The following AMMECR1L variants were observed in gnomAD, a reference collection of about 807,000 sequenced individuals.
AMMECR1L encodes the protein AMMECR1 like.
Under a neutral mutation model 36.8 loss-of-function variants are expected in AMMECR1L, and 4 were observed. That is an observed-to-expected ratio of 0.11 (90% CI 0.05 to 0.25). The LOEUF (loss-of-function observed/expected upper bound fraction) is 0.25. Among genes scored for constraint, AMMECR1L ranks in the 10% least tolerant of loss-of-function variants. AMMECR1L has a pLI of 1.00. For synonymous variants in AMMECR1L, 147 were observed against 148.0 expected, an observed-to-expected ratio of 0.99 and a Z score of 0.05; for missense variants, 232 against 392.1, an observed-to-expected ratio of 0.59 and a Z score of 3.45.
chr2:127,865,187 C>T lies in AMMECR1L; in HGVS notation c.840G>A (p.Val280=). Reference sequence around the variant, plus strand: ...CAATATACTCTGCGTAACTGATTGTCACCTTCTCACTTCGGTACCTGTATG... The same window carrying T: ...CAATATACTCTGCGTAACTGATTGTTACCTTCTCACTTCGGTACCTGTATG... ...IKLTRYRSEK[V]TISYAEYIAS... The change falls in exon 8 of 8, where the codon GTG becomes GTA. Residue 280 remains valine, a synonymous_variant. Transcript: ENST00000272647. This position sits in a 1 kb window ranked among gnomAD's most constrained non-coding sequence, Gnocchi z 5.4. The T allele has an allele frequency of 6.2e-7, 1 of 1,612,514 alleles. No individual in the cohort carries two copies. Among genetic ancestry groups the T allele is most frequent in the Non-Finnish European group, 8.5e-7 (1 of 1,179,280 alleles).
intron 2 of AMMECR1L, among the ~76,000 whole-genome samples, chr2:127,877,860 A>G (rs1182970747): frequency 6.6e-6 from 1 of 152,128 alleles, no homozygotes; most frequent in Non-Finnish European, 1.5e-5. Context: ...CAGGAGTTGG[A>G]GACCAGCCTG....
chr2:127,869,042 A>C lies in AMMECR1L; in HGVS notation c.724+412T>G, dbSNP rs1157002561. 6.6e-6 allele frequency among the ~76,000 whole-genome samples: 1 copy of C among 152,174 alleles called. No individual in the cohort carries two copies. Among genetic ancestry groups the C allele is most frequent in the Non-Finnish European group, 1.5e-5 (1 of 68,020 alleles). On this transcript the variant is annotated intron_variant, in intron 6 of 7. Coordinates refer to ENST00000272647, the MANE Select transcript of AMMECR1L (RefSeq NM_001199140.2). The surrounding 1 kb of genome is among the most constrained non-coding windows in gnomAD (Gnocchi z 4.7). ...CTGGCCGACTACTGAGTTCTTTAAAAAACAGTAGGGACTATGTTTACACCC... is the reference window on the plus strand; with the variant it reads ...CTGGCCGACTACTGAGTTCTTTAAACAACAGTAGGGACTATGTTTACACCC...
intron 2 of AMMECR1L, among the ~76,000 whole-genome samples, chr2:127,879,940 C>G (rs1283378601): frequency 1.3e-5 from 2 of 152,180 alleles, no homozygotes; most frequent in East Asian, 3.8e-4. Context: ...ACTTCCCTGC[C>G]AAACTTTATA....
rs1421077070 is a variant in AMMECR1L, at chr2:127,861,912, T to C, written c.*3182A>G. On this transcript the variant is annotated 3_prime_UTR_variant, in exon 8 of 8. Transcript: ENST00000272647. ...CATGGAAAACAGATCTTGTGCAAAA[T>C]ATTAACACCCAGGACTTCTTTTGTA... is the stretch of plus-strand genomic sequence containing the variant. 5 of 152,640 alleles carry C rather than the reference T, an allele frequency of 3.3e-5. No individual in the cohort carries two copies. Among genetic ancestry groups the C allele is most frequent in the African/African-American group, 1.2e-4 (5 of 41,460 alleles). 9.5% of individuals were successfully genotyped at this position (152,640 alleles called of 1,614,324 possible).
rs1691126163 is a variant in AMMECR1L, at chr2:127,874,301, T to C, written c.-38-29A>G. The C allele has an allele frequency of 2.5e-6, 4 of 1,571,696 alleles. No homozygotes were observed. The South Asian group carries it at 4.7e-5, about 18-fold the overall frequency. The stretch of plus-strand genomic sequence containing the variant: ...ACCAAAATGAGAAGTTAAGCATTAA[T>C]TTGACTGGTTAGTTAAAAGGAGAGG... On this transcript the variant is annotated intron_variant, in intron 2 of 7. Transcript: ENST00000272647. The surrounding 1 kb of genome is among the most constrained non-coding windows in gnomAD (Gnocchi z 5.2).
At chr2:127,868,461 A>C (rs1690803322) in intron 6 of AMMECR1L, among the ~76,000 whole-genome samples, 1 of 152,242 alleles carries the variant, frequency 6.6e-6, no homozygotes, top group Non-Finnish European at 1.5e-5. Flanking sequence ...ATAAAAACCA[A>C]CCAGGCAATC....
Position 127,873,497 on chromosome 2 carries a change from A to T in AMMECR1L, c.407+331T>A. 1.0e-6 allele frequency: 1 copy of T among 985,448 alleles called. No homozygotes were observed. Among genetic ancestry groups the T allele is most frequent in the Non-Finnish European group, 1.2e-6 (1 of 829,942 alleles). The allele number at this position is 985,448 out of a possible 1,614,324, so 61.0% of individuals were successfully genotyped here. A position where few individuals can be genotyped will look rare whatever the true frequency, so the allele number is the denominator to read the frequency against. On this transcript the variant is annotated intron_variant, in intron 3 of 7. Coordinates refer to ENST00000272647, the MANE Select transcript of AMMECR1L (RefSeq NM_001199140.2). This position sits in a 1 kb window ranked among gnomAD's most constrained non-coding sequence, Gnocchi z 5.2. ...GACTTCAACACTATGGGTGTCCCCA[A>T]TGGTATGGCGTGACTTCCCCACTTG...
At chr2:127,867,402 T>C (rs908277377) in intron 6 of AMMECR1L, 3 of 761,612 alleles carry the variant, frequency 3.9e-6, no homozygotes, top group African/African-American at 1.9e-5. Flanking sequence ...TGATCTTCCT[T>C]CAATCTGATG....
chr2:127,877,020 A>AATATATATATATATACATATATAT lies in AMMECR1L; in HGVS notation c.-38-2772_-38-2749dup, dbSNP rs1353356322. On this transcript the variant is annotated intron_variant, in intron 2 of 7. Coordinates refer to ENST00000272647, the MANE Select transcript of AMMECR1L (RefSeq NM_001199140.2). Reference sequence around the variant, plus strand: ...CAATAAGAGCGAAACTCTGTCTCCAAATATATATATATATACATATATATA... The same window carrying AATATATATATATATACATATATAT: ...CAATAAGAGCGAAACTCTGTCTCCAAATATATATATATATACATATATATATATATATATATATACATATATATA... 3.9e-3 allele frequency among the ~76,000 whole-genome samples: 563 copies of AATATATATATATATACATATATAT among 144,906 alleles called. 1 individual carries two copies. The highest frequency in any genetic ancestry group is 6.8e-3 in the Non-Finnish European group (452 of 66,592).
At chr2:127,882,083 T>G (rs1691523624) in intron 2 of AMMECR1L, among the ~76,000 whole-genome samples, 1 of 152,206 alleles carries the variant, frequency 6.6e-6, no homozygotes, top group African/African-American at 2.4e-5. Flanking sequence ...GAATACCAAT[T>G]TTAAAAACTG....
Position 127,862,563 on chromosome 2 carries a change from C to T in AMMECR1L, c.*2531G>A, listed in dbSNP as rs1309449755. The stretch of plus-strand genomic sequence containing the variant: ...TCTAGACCGCTTCCTGACTAGGCCC[C>T]GTTCAGGACGGATACTGACAATGCC... On this transcript the variant is annotated 3_prime_UTR_variant, in exon 8 of 8. Transcript: ENST00000272647. 5.2e-5 allele frequency: 8 copies of T among 153,726 alleles called. No homozygotes were observed. Among genetic ancestry groups the T allele is most frequent in the East Asian group, 1.9e-4 (1 of 5,188 alleles). The allele number at this position is 153,726 out of a possible 1,614,324, so 9.5% of individuals were successfully genotyped here.
intron 1 of AMMECR1L, chr2:127,885,185 G>A (rs1691702792): frequency 1.9e-5 from 19 of 985,084 alleles, no homozygotes; most frequent in Non-Finnish European, 2.2e-5. Flanking sequence ...GTAGGGGTGC[G>A]AAAAAGAGAA....
rs1691065661 is a variant in AMMECR1L, at chr2:127,873,112, CCA to C, written c.407+714_407+715del. ...GAATAATCTCATATCAATGAACACT[CCA>C]AAAGCATACCCCCAAAACAAAAATA... is the stretch of plus-strand genomic sequence containing the variant. On this transcript the variant is annotated intron_variant, in intron 3 of 7. Coordinates refer to ENST00000272647, the MANE Select transcript of AMMECR1L (RefSeq NM_001199140.2). The surrounding 1 kb of genome is among the most constrained non-coding windows in gnomAD (Gnocchi z 5.2). 1 of 985,272 alleles carries C rather than the reference CCA, an allele frequency of 1.0e-6. No individual in the cohort carries two copies. Among genetic ancestry groups the C allele is most frequent in the Non-Finnish European group, 1.2e-6 (1 of 829,942 alleles). The allele number at this position is 985,272 out of a possible 1,614,324, so 61.0% of individuals were successfully genotyped here. A position where few individuals can be genotyped will look rare whatever the true frequency, so the allele number is the denominator to read the frequency against.
At chr2:127,880,494 G>C (rs541614811) in intron 2 of AMMECR1L, among the ~76,000 whole-genome samples, 128 of 151,980 alleles carry the variant, frequency 8.4e-4, no homozygotes, top group Non-Finnish European at 2.4e-4. Context: ...GTGATGCTGC[G>C]GCGTCCTCAT....
At position 127,863,903 on chromosome 2, in the gene AMMECR1L, G is replaced by T. The variant is rs1175896524; in HGVS notation, c.*1191C>A. The T allele has an allele frequency of 6.6e-6, 1 of 152,366 alleles. No homozygotes were observed. The highest frequency in any genetic ancestry group is 1.5e-5 in the Non-Finnish European group (1 of 68,046). The allele number at this position is 152,366 out of a possible 1,614,324, so 9.4% of individuals were successfully genotyped here. Reference sequence around the variant, plus strand: ...AAATATGTCACATGAAAGTTTGAAAGACCTAGAATAAAATGAGCTATTTGG... The same window carrying T: ...AAATATGTCACATGAAAGTTTGAAATACCTAGAATAAAATGAGCTATTTGG... On this transcript the variant is annotated 3_prime_UTR_variant, in exon 8 of 8. Coordinates refer to ENST00000272647, the MANE Select transcript of AMMECR1L (RefSeq NM_001199140.2).
At chr2:127,875,066 C>T (rs935989708) in intron 2 of AMMECR1L, among the ~76,000 whole-genome samples, 1 of 152,232 alleles carries the variant, frequency 6.6e-6, no homozygotes, top group African/African-American at 2.4e-5. Flanking sequence ...CAGACAGATA[C>T]AAAGCCACCC....
chr2:127,885,348 G>A (rs964572962), intron 1 of AMMECR1L: 9 of 984,054 alleles, frequency 9.1e-6, no homozygotes, highest in African/African-American at 1.8e-5. Flanking sequence ...GGGAGACGAT[G>A]GAGCGACGGG....
rs1053162321 is a variant in AMMECR1L, at chr2:127,871,915, G to A, written c.408-556C>T. Among the ~76,000 whole-genome samples, 5 of 152,192 alleles carry A rather than the reference G, an allele frequency of 3.3e-5. No individual in the cohort carries two copies. Among genetic ancestry groups the A allele is most frequent in the Admixed American group, 6.5e-5 (1 of 15,280 alleles). On this transcript the variant is annotated intron_variant, in intron 3 of 7. Coordinates refer to ENST00000272647, the MANE Select transcript of AMMECR1L (RefSeq NM_001199140.2). The surrounding 1 kb of genome is among the most constrained non-coding windows in gnomAD (Gnocchi z 4.3). The stretch of plus-strand genomic sequence containing the variant: ...AAAAAAAGATTTAAAAAGGCCGGGT[G>A]CAGTGGCTCATGCCTGTAATCCCAG...
chr2:127,879,098 G>GTTT (rs1242548681), intron 2 of AMMECR1L, among the ~76,000 whole-genome samples: 1 of 152,160 alleles, frequency 6.6e-6, no homozygotes, highest in East Asian at 1.9e-4. Flanking sequence ...ATTTAAGGCA[G>GTTT]TTTTTTGAGG....
Sources: gnomAD v4.1 joint callset for allele counts (sites outside exome capture counted in the v4.1 genomes callset) on GRCh38, gnomAD v4.1.1 for gene constraint, Gnocchi (gnomAD v3.1) non-coding constraint, MANE v1.5 for transcripts, NCBI Gene and HGNC (gene_info 2026-07-23, HGNC 2026-07-21) for gene names.